Variants in HHAT observed in about 807,000 individuals in gnomAD.
HHAT encodes hedgehog acyltransferase.
HHAT carries 47 observed loss-of-function variants against 70.8 expected under a neutral mutation model. That is an observed-to-expected ratio of 0.66 (90% CI 0.53 to 0.85). The LOEUF (loss-of-function observed/expected upper bound fraction) is 0.85. HHAT is among the 40% of genes least tolerant of loss of function. The probability of loss-of-function intolerance (pLI) is 0.00; values close to 1 mark genes in which losing one functional copy is unlikely to be tolerated. For missense variants in HHAT, 609 were observed against 604.8 expected (o/e 1.01, Z -0.07); for synonymous variants, 228 against 247.6 (o/e 0.92, Z 0.74).
intron 7 of HHAT, among the ~76,000 whole-genome samples, chr1:210,454,369 T>C (rs774606612): frequency 6.6e-6 from 1 of 152,144 alleles, no homozygotes; most frequent in Non-Finnish European, 1.5e-5. Flanking sequence ...CTGGTGAACA[T>C]GGTGAAACCC....
At chr1:210,512,756 A>G (rs746321700) in intron 8 of HHAT, among the ~76,000 whole-genome samples, 14 of 151,724 alleles carry the variant, frequency 9.2e-5, no homozygotes, top group Non-Finnish European at 1.8e-4. Context: ...AGACACGAAT[A>G]TTACAAACGG....
rs919624464 is a variant in HHAT at position 210,376,083 on chromosome 1, T to C, written c.160-11385T>C. ...TTTTGCCATATCGGCCAGGCTGGTC[T>C]GGAACTCCTGGCCTCAAGTGATCCA... On this transcript the variant is annotated intron_variant, in intron 3 of 11. Coordinates refer to ENST00000261458, the MANE Select transcript of HHAT (RefSeq NM_018194.6). Among the ~76,000 whole-genome samples the C allele has an allele frequency of 1.1e-4, 16 of 149,542 alleles. No homozygotes were observed. In the East Asian group the frequency reaches 3.1e-3, roughly 29 times the overall value.
At chr1:210,666,858 C>T (rs371895821) in intron 11 of HHAT, among the ~76,000 whole-genome samples, 1 of 151,970 alleles carries the variant, frequency 6.6e-6, no homozygotes, top group Non-Finnish European at 1.5e-5. Flanking sequence ...TTTGGGAGGC[C>T]GAGGCAGGCA....
In HHAT at chr1:210,431,751, C is replaced by A. The variant is rs147458134; in HGVS notation, c.856+13426C>A. ...GTTACTATGGGGAAGAGGTTGGACA[C>A]GGGAATGAAATTCCCTTTCCAATGG... On this transcript the variant is annotated intron_variant, in intron 7 of 11. Transcript: ENST00000261458. Among the ~76,000 whole-genome samples the A allele has an allele frequency of 7.1e-4, 108 of 151,834 alleles. 1 individual carries two copies. The highest frequency in any genetic ancestry group is 2.6e-3 in the African/African-American group (108 of 41,200).
chr1:210,548,507 G>T (rs1422751045), intron 9 of HHAT, among the ~76,000 whole-genome samples: 2 of 152,222 alleles, frequency 1.3e-5, no homozygotes, highest in East Asian at 3.8e-4. Flanking sequence ...GGAACCAGGA[G>T]ACTTAGGGGA....
Position 210,622,842 on chromosome 1 carries a change from C to G in HHAT, c.1246-684C>G, listed in dbSNP as rs114847461. Reference sequence around the variant, plus strand: ...GGATCATGCTGATCTTGACCTAATTCCATGGAGCTATATATACTAGTTATC... The same window carrying G: ...GGATCATGCTGATCTTGACCTAATTGCATGGAGCTATATATACTAGTTATC... On this transcript the variant is annotated intron_variant, in intron 10 of 11. Coordinates refer to ENST00000261458, the MANE Select transcript of HHAT (RefSeq NM_018194.6). Among the ~76,000 whole-genome samples the G allele has an allele frequency of 2.9e-3, 444 of 152,272 alleles. 4 individuals carry two copies. The highest frequency in any genetic ancestry group is 8.1e-3 in the African/African-American group (335 of 41,540).
intron 8 of HHAT, among the ~76,000 whole-genome samples, chr1:210,495,670 T>C (rs2148526404): frequency 6.6e-6 from 1 of 152,218 alleles, no homozygotes; most frequent in East Asian, 1.9e-4. Context: ...GATTATGACC[T>C]ATTGTAGGTC....
At chr1:210,623,165 G>T (rs375991987) in intron 10 of HHAT, among the ~76,000 whole-genome samples, 2 of 152,116 alleles carry the variant, frequency 1.3e-5, no homozygotes, top group South Asian at 2.1e-4. Context: ...TCGAACTCCC[G>T]GGCTGAAGCA....
chr1:210,435,958 T>C (rs2093365419), intron 7 of HHAT, among the ~76,000 whole-genome samples: 4 of 151,870 alleles, frequency 2.6e-5, no homozygotes, highest in African/African-American at 7.3e-5. Context: ...CAGAAACTTT[T>C]TAGCTTGATA....
chr1:210,640,231 A>G (rs1276139650), intron 11 of HHAT, among the ~76,000 whole-genome samples: 1 of 152,178 alleles, frequency 6.6e-6, no homozygotes, highest in Non-Finnish European at 1.5e-5. Flanking sequence ...ACTCTCATAT[A>G]TCCAGTGATG....
In HHAT at chr1:210,464,662, C is replaced by T. The variant is rs745973548; in HGVS notation, c.1007+7C>T. The stretch of plus-strand genomic sequence containing the variant: ...GTTTCACCGGGATGTGGAGGTCAGG[C>T]GCTGGGATTGCTAAAGTTGGTCAGG... On this transcript the variant is annotated splice_region_variant and intron_variant, in intron 8 of 11. Transcript: ENST00000261458. 8 of 1,613,900 alleles carry T rather than the reference C, an allele frequency of 5.0e-6. No individual in the cohort carries two copies. The highest frequency in any genetic ancestry group is 4.0e-5 in the African/African-American group (3 of 74,920).
intron 11 of HHAT, among the ~76,000 whole-genome samples, chr1:210,643,157 G>T (rs990138436): frequency 6.6e-6 from 1 of 152,140 alleles, no homozygotes; most frequent in African/African-American, 2.4e-5. Flanking sequence ...AATGTCCATG[G>T]TCTGTTTGCC....
intron 9 of HHAT, among the ~76,000 whole-genome samples, chr1:210,540,622 A>G (rs1302579913): frequency 7.2e-6 from 1 of 138,460 alleles, no homozygotes; most frequent in Non-Finnish European, 1.6e-5. Flanking sequence ...GTTTGCTTCA[A>G]TGAGTAGTTA....
Position 210,376,364 on chromosome 1 carries a change from A to G in HHAT, c.160-11104A>G, listed in dbSNP as rs543659151. 2.6e-5 allele frequency among the ~76,000 whole-genome samples: 4 copies of G among 152,124 alleles called. No homozygotes were observed. The East Asian group carries it at 7.7e-4, about 29-fold the overall frequency. On this transcript the variant is annotated intron_variant, in intron 3 of 11. Transcript: ENST00000261458. ...TTTTCACCATTCACAATCCCCTTAC[A>G]TTCGTTTTATATGTTACATCCAAGG... is the stretch of plus-strand genomic sequence containing the variant.
At chr1:210,449,803 C>T (rs2093711354) in intron 7 of HHAT, among the ~76,000 whole-genome samples, 1 of 152,154 alleles carries the variant, frequency 6.6e-6, no homozygotes, top group South Asian at 2.1e-4. Context: ...ATTTAATTCA[C>T]ATCAGTTCAT....
intron 3 of HHAT, among the ~76,000 whole-genome samples, chr1:210,376,390 GTT>G (rs2090218343): frequency 6.6e-6 from 1 of 152,110 alleles, no homozygotes; most frequent in South Asian, 2.1e-4. Flanking sequence ...ACATCCAAGG[GTT>G]TTAGCTGTCG....
chr1:210,488,577 G>GATGA (rs1462424388), intron 8 of HHAT, among the ~76,000 whole-genome samples: 1 of 152,140 alleles, frequency 6.6e-6, no homozygotes, highest in Non-Finnish European at 1.5e-5. Flanking sequence ...TTATTCATTC[G>GATGA]ATGAATGAAT....
intron 7 of HHAT, among the ~76,000 whole-genome samples, chr1:210,461,037 T>A (rs1430055587): frequency 6.6e-6 from 1 of 152,224 alleles, no homozygotes; most frequent in African/African-American, 2.4e-5. Context: ...GAAAATCTTA[T>A]ACATACAAAC....
In HHAT at chr1:210,381,303, C is replaced by CA. The variant is rs1309480077; in HGVS notation, c.160-6164dup. ...ATTTTTTACTTTTATTTTTCTGAGA[C>CA]AGAGTCTTGCTCTGTTACCTAGGTT... On this transcript the variant is annotated intron_variant, in intron 3 of 11. Coordinates refer to ENST00000261458, the MANE Select transcript of HHAT (RefSeq NM_018194.6). Among the ~76,000 whole-genome samples the CA allele has an allele frequency of 2.0e-5, 3 of 152,092 alleles. No homozygotes were observed. The East Asian group carries it at 5.8e-4, about 29-fold the overall frequency.
Sources: gnomAD v4.1 joint callset for allele counts (sites outside exome capture counted in the v4.1 genomes callset) on GRCh38, gnomAD v4.1.1 for gene constraint, MANE v1.5 for transcripts, NCBI Gene and HGNC (gene_info 2026-07-23, HGNC 2026-07-21) for gene names.